THADA: variants seen among roughly 807,000 people sequenced by gnomAD.
THADA encodes tRNA (32-2'-O)-methyltransferase regulator THADA.
Under a neutral mutation model 219.8 loss-of-function variants are expected in THADA, and 213 were observed. The ratio of observed to expected loss-of-function variants is 0.97; its 90% CI spans 0.87 to 1.09. The LOEUF is 1.09. Ranked by LOEUF, THADA falls within the 50% of genes least tolerant of loss-of-function variation. The pLI is 0.00. For synonymous variants in THADA, 1,018 were observed against 828.9 expected (o/e 1.23, Z -3.92); for missense variants, 2,956 against 2,311.3 (o/e 1.28, Z -5.72).
At chr2:43,250,240 G>C (rs1053941210) in intron 36 of THADA, among the ~76,000 whole-genome samples, 1 of 152,220 alleles carries the variant, frequency 6.6e-6, no homozygotes, top group African/African-American at 2.4e-5. Context: ...AACTAAAAGT[G>C]CTGATTCACG....
chr2:43,466,218 G>T (rs1684218335), intron 26 of THADA, among the ~76,000 whole-genome samples: 2 of 152,204 alleles, frequency 1.3e-5, no homozygotes, highest in Admixed American at 6.5e-5. Flanking sequence ...TTTTAAATGA[G>T]TAGTCAATGC....
At chr2:43,489,884 A>G (rs1687414430) in intron 25 of THADA, among the ~76,000 whole-genome samples, 1 of 151,390 alleles carries the variant, frequency 6.6e-6, no homozygotes, top group South Asian at 2.1e-4. Context: ...CAAAAAAAAA[A>G]AAAAAAAAAA....
intron 26 of THADA, among the ~76,000 whole-genome samples, chr2:43,453,153 A>G (rs1682569202): frequency 6.6e-6 from 1 of 152,226 alleles, no homozygotes; most frequent in Non-Finnish European, 1.5e-5. Flanking sequence ...TGCTGTCTAT[A>G]GGTATGATGT....
chr2:43,431,309 C>T (rs533755056), intron 26 of THADA, among the ~76,000 whole-genome samples: 2 of 152,276 alleles, frequency 1.3e-5, no homozygotes, highest in East Asian at 1.9e-4. Context: ...AATCCACACC[C>T]CTATCAAGAC....
chr2:43,553,149 T>C (rs1339407328), intron 17 of THADA, among the ~76,000 whole-genome samples: 2 of 152,222 alleles, frequency 1.3e-5, no homozygotes, highest in Non-Finnish European at 2.9e-5. Context: ...TATCCATTCA[T>C]CTGTTGACAG....
rs902962513 is a variant in THADA at position 43,560,341 on chromosome 2, C to G, written c.2356G>C (p.Gly786Arg). 3.1e-6 allele frequency: 5 copies of G among 1,611,566 alleles called. No homozygotes were observed. The highest frequency in any genetic ancestry group is 4.2e-6 in the Non-Finnish European group (5 of 1,178,744). The change falls in exon 16 of 38, where the codon GGT (glycine) becomes CGT (arginine). Residue 786 changes from glycine to arginine, a missense_variant. Physicochemically the swap from Gly to Arg is moderately radical, Grantham distance 125 (BLOSUM62 -2). Coordinates refer to ENST00000405975, the MANE Select transcript of THADA (RefSeq NM_022065.5). ...VYQLSHDIDV[G>R]RFQTLMECFT... ...CATTCCATTAGTGTTTGGAAACGACCAACATCAATATCATGACTCAGCTGA... is the reference window on the plus strand; with the variant it reads ...CATTCCATTAGTGTTTGGAAACGACGAACATCAATATCATGACTCAGCTGA...
At chr2:43,444,893 A>G (rs1041135182) in intron 26 of THADA, among the ~76,000 whole-genome samples, 1 of 152,198 alleles carries the variant, frequency 6.6e-6, no homozygotes, top group Non-Finnish European at 1.5e-5. Flanking sequence ...ACTGCATAGG[A>G]AACAGTAGTA....
intron 26 of THADA, among the ~76,000 whole-genome samples, chr2:43,442,886 T>C (rs1378146102): frequency 6.6e-6 from 1 of 152,096 alleles, no homozygotes; most frequent in African/African-American, 2.4e-5. Flanking sequence ...CAGGAACACC[T>C]CCACTCTCCG....
At chr2:43,567,138 A>C (rs1336052379) in intron 14 of THADA, among the ~76,000 whole-genome samples, 1 of 151,530 alleles carries the variant, frequency 6.6e-6, no homozygotes, top group Non-Finnish European at 1.5e-5. Flanking sequence ...CCCTAGTCTT[A>C]ACTGACTCTA....
chr2:43,256,849 G>A (rs1054984024), intron 36 of THADA, among the ~76,000 whole-genome samples: 6 of 152,148 alleles, frequency 3.9e-5, no homozygotes, highest in Middle Eastern at 3.4e-3. Flanking sequence ...AAAATGCTGG[G>A]ATTATAGGTG....
intron 22 of THADA, among the ~76,000 whole-genome samples, chr2:43,526,268 C>T (rs1235050293): frequency 6.6e-6 from 1 of 152,104 alleles, no homozygotes; most frequent in Non-Finnish European, 1.5e-5. Context: ...TTCTATGATG[C>T]CTCCTATGAT....
intron 25 of THADA, among the ~76,000 whole-genome samples, chr2:43,495,808 G>C (rs1478905330): frequency 6.6e-6 from 1 of 152,164 alleles, no homozygotes; most frequent in East Asian, 1.9e-4. Context: ...CAGTATTCCT[G>C]ATGGTCAAGC....
chr2:43,408,876 T>C (rs1437060130), intron 28 of THADA, among the ~76,000 whole-genome samples: 2 of 152,202 alleles, frequency 1.3e-5, no homozygotes, highest in Non-Finnish European at 2.9e-5. Flanking sequence ...ACACTAACCA[T>C]ACTCAATCTT....
At chr2:43,439,361 T>C (rs1680555935) in intron 26 of THADA, among the ~76,000 whole-genome samples, 2 of 152,240 alleles carry the variant, frequency 1.3e-5, no homozygotes, top group Admixed American at 6.5e-5. Context: ...GTTACTGTTG[T>C]TAATCTCTTA....
intron 8 of THADA, among the ~76,000 whole-genome samples, chr2:43,579,332 C>G (rs553387832): frequency 1.3e-5 from 2 of 152,162 alleles, no homozygotes; most frequent in Non-Finnish European, 2.9e-5. Flanking sequence ...GATTTCAGGG[C>G]TTGTATAAAG....
intron 29 of THADA, among the ~76,000 whole-genome samples, chr2:43,363,462 T>A (rs756961048): frequency 2.6e-5 from 4 of 152,226 alleles, no homozygotes; most frequent in Non-Finnish European, 5.9e-5. Context: ...GTGAACTCTA[T>A]GTAGAACGAA....
At chr2:43,436,334 G>A (rs1680099249) in intron 26 of THADA, among the ~76,000 whole-genome samples, 1 of 152,150 alleles carries the variant, frequency 6.6e-6, no homozygotes, top group African/African-American at 2.4e-5. Context: ...CATAAATGGT[G>A]TCTGTTTTTT....
chr2:43,528,126 C>CTTTTT (rs367822642), intron 21 of THADA, 138 bp from the exon 22 acceptor site: 25 of 162,904 alleles, frequency 1.5e-4, no homozygotes, highest in Non-Finnish European at 1.9e-4. Context: ...ATGTTTTAAG[C>CTTTTT]TTTTTTTTTT....
chr2:43,422,244 T>C (rs186233893), intron 28 of THADA, among the ~76,000 whole-genome samples: 4 of 152,298 alleles, frequency 2.6e-5, no homozygotes, highest in South Asian at 2.1e-4. Context: ...CATTTTCCCA[T>C]TGGGAGCAAA....
Sources: allele counts gnomAD v4.1 joint callset (sites outside exome capture counted in the v4.1 genomes callset), GRCh38; gene constraint gnomAD v4.1.1; transcripts MANE v1.5; gene names NCBI Gene and HGNC (gene_info 2026-07-23, HGNC 2026-07-21).